Variants in NBR1 observed in about 807,000 individuals in gnomAD.
NBR1 encodes the protein next to BRCA1 gene 1 protein.
In NBR1, 59 loss-of-function variants were observed where a neutral mutation model predicts 115.5. That is an observed-to-expected ratio of 0.51 (90% CI 0.41 to 0.63). The LOEUF (loss-of-function observed/expected upper bound fraction) is 0.63, where lower values mean the gene tolerates loss of function less well. Ranked by LOEUF, NBR1 falls within the 30% of genes least tolerant of loss-of-function variation. The pLI is 0.00. For missense variants in NBR1, 1,043 were observed against 1,150.5 expected (o/e 0.91, Z 1.35); for synonymous variants, 373 against 414.7 (o/e 0.90, Z 1.22).
chr17:43,198,162 C>T (rs907093532), intron 16 of NBR1, among the ~76,000 whole-genome samples: 36 of 147,682 alleles, frequency 2.4e-4, no homozygotes, highest in Non-Finnish European at 4.9e-4. Context: ...AGTGAAACTC[C>T]GTCTCAAAAA....
chr17:43,203,632 G>GCAGACA, intron 19 of NBR1, 49 bp from the exon 20 acceptor site: 1 of 1,165,294 alleles, frequency 8.6e-7, no homozygotes, highest in East Asian at 2.5e-5. Flanking sequence ...CTTGTAAAAA[G>GCAGACA]GTAATGATTT....
intron 16 of NBR1, 90 bp downstream of exon 16, chr17:43,197,196 G>C: frequency 1.7e-6 from 2 of 1,204,694 alleles, no homozygotes; most frequent in Non-Finnish European, 2.4e-6. Flanking sequence ...CTTCTTCACT[G>C]AGACTGAAGG....
chr17:43,189,848 C>T, intron 8 of NBR1, 46 bp downstream of exon 8: 3 of 1,509,728 alleles, frequency 2.0e-6, no homozygotes, highest in Non-Finnish European at 2.7e-6. Flanking sequence ...GACCTTACAG[C>T]TTTTACCTCC....
In NBR1 at chr17:43,209,081, GT is replaced by G. The variant is rs796984826; in HGVS notation, c.2728-807del. On this transcript the variant is annotated intron_variant, in intron 20 of 20. Transcript: ENST00000590996. ...TGTTAACTTCCTCTTACCTATTCTT[GT>G]TTTTTTTTTTTTGAGATGGAGTCTC... is the stretch of plus-strand genomic sequence containing the variant. Among the ~76,000 whole-genome samples, 1,395 of 144,286 alleles carry G rather than the reference GT, an allele frequency of 9.7e-3. 16 individuals are homozygous for G. Among genetic ancestry groups the G allele is most frequent in the African/African-American group, 0.032 (1,251 of 39,580 alleles). 94.7% of individuals were successfully genotyped at this position (144,286 alleles called of 152,430 possible). A position where few individuals can be genotyped will look rare whatever the true frequency, so the allele number is the denominator to read the frequency against.
At chr17:43,203,158 A>C (rs1038090509) in intron 19 of NBR1, among the ~76,000 whole-genome samples, 4 of 152,196 alleles carry the variant, frequency 2.6e-5, no homozygotes, top group Non-Finnish European at 4.4e-5. Context: ...ACATCAAAAA[A>C]AAAAAAGAGT....
At chr17:43,209,418 T>C in intron 20 of NBR1, 1 of 678,890 alleles carries the variant, frequency 1.5e-6, no homozygotes, top group Non-Finnish European at 2.5e-6. Flanking sequence ...CAAGAAGCCT[T>C]CCCAGGTTGT....
chr17:43,191,797 C>T (rs2056953198), intron 10 of NBR1, among the ~76,000 whole-genome samples: 1 of 152,208 alleles, frequency 6.6e-6, no homozygotes, highest in African/African-American at 2.4e-5. Context: ...TCTCGGCTCA[C>T]TGCCAGCTCT....
Position 43,193,097 on chromosome 17 carries a change from C to T in NBR1, c.1077C>T (p.Leu359=), listed in dbSNP as rs2056985613. Residue 359 remains leucine (L), a synonymous_variant, in exon 11 of 21, where the codon CTC becomes CTT. Coordinates refer to ENST00000590996, the MANE Select transcript of NBR1 (RefSeq NM_005899.5). ...ESLLQSNTLM[L]PLQPCTSVMP... ...AAGCATCTGAATTTCTGTTCAGGCT[C>T]CCTTTGCAGCCCTGTACCTCCGTTA... 1.9e-6 allele frequency: 3 copies of T among 1,613,194 alleles called. No homozygotes were observed. Among genetic ancestry groups the T allele is most frequent in the South Asian group, 2.2e-5 (2 of 90,996 alleles).
chr17:43,183,193 T>C (rs2056716718), intron 5 of NBR1, among the ~76,000 whole-genome samples: 1 of 151,242 alleles, frequency 6.6e-6, no homozygotes, highest in Non-Finnish European at 1.5e-5. Flanking sequence ...ACGCCCGGCC[T>C]CTTTTTTTCT....
In NBR1 at chr17:43,200,425, G is replaced by A. The variant is rs765579730; in HGVS notation, c.2285G>A (p.Arg762Gln). 9.9e-6 allele frequency: 16 copies of A among 1,610,762 alleles called. No homozygotes were observed. The highest frequency in any genetic ancestry group is 8.8e-5 in the South Asian group (8 of 90,510). ...GCGCTCTCACAGCCAGGCCTGGAGC[G>A]AGGTGCTGAAGGCAAGCCTGGGGTT... ...SSALSQPGLE[R>Q]GAEGKPGVEA... The change falls in exon 17 of 21, where the codon CGA (arginine) becomes CAA (glutamine). Residue 762 changes from arginine to glutamine, a missense_variant. Arg to Gln is a conservative substitution (Grantham distance 43). Transcript: ENST00000590996.
intron 14 of NBR1, 46 bp downstream of exon 14, chr17:43,195,085 C>A: frequency 6.9e-7 from 1 of 1,443,394 alleles, no homozygotes; most frequent in Non-Finnish European, 9.8e-7. Flanking sequence ...CTAATAGGCA[C>A]AAAAGTACCA....
rs763389642 is a variant in NBR1 at position 43,200,433 on chromosome 17, G to A, written c.2293G>A (p.Glu765Lys). Residue 765 changes from glutamate (E) to lysine (K), a missense_variant, in exon 17 of 21, where the codon GAA becomes AAA. Glu to Lys is a moderately conservative substitution (Grantham distance 56). Transcript: ENST00000590996. ...ACAGCCAGGCCTGGAGCGAGGTGCT[G>A]AAGGCAAGCCTGGGGTTGAGGCTGG... is the stretch of plus-strand genomic sequence containing the variant. Reference protein sequence around the residue: ...LSQPGLERGAEGKPGVEAGQE... With the variant: ...LSQPGLERGAKGKPGVEAGQE... 3 of 1,612,166 alleles carry A rather than the reference G, an allele frequency of 1.9e-6. No homozygotes were observed. In the Admixed American group the frequency reaches 5.0e-5, roughly 27 times the overall value.
intron 2 of NBR1, 88 bp downstream of exon 2, chr17:43,175,989 C>A: frequency 1.4e-6 from 1 of 739,264 alleles, no homozygotes; most frequent in Non-Finnish European, 2.3e-6. Context: ...TGTTTCATAG[C>A]TGTGAAGTCT....
chr17:43,174,922 C>T (rs542448145), intron 1 of NBR1, among the ~76,000 whole-genome samples: 1 of 149,230 alleles, frequency 6.7e-6, no homozygotes, highest in African/African-American at 2.5e-5. Context: ...GGTGAAACCC[C>T]GTCCCTACCA....
rs953582131 is a variant in NBR1, at chr17:43,196,970, T to C, written c.1890T>C (p.Ala630=). The C allele has an allele frequency of 6.2e-7, 1 of 1,614,028 alleles. No individual in the cohort carries two copies. The highest frequency in any genetic ancestry group is 8.5e-7 in the Non-Finnish European group (1 of 1,179,886). ...CTATGGTGTCAGTAAAGAGGAAGGC[T>C]GAGAACATTGCTTCTGTGGAGGAAG... The part of the protein sequence containing the change: ...PDSMVSVKRK[A]ENIASVEEAE... Residue 630 remains alanine (A), a synonymous_variant, in exon 16 of 21, where the codon GCT becomes GCC. Coordinates refer to ENST00000590996, the MANE Select transcript of NBR1 (RefSeq NM_005899.5).
intron 13 of NBR1, 23 bp downstream of exon 13, chr17:43,194,522 G>T: frequency 6.2e-7 from 1 of 1,613,300 alleles, no homozygotes; most frequent in Non-Finnish European, 8.5e-7. Context: ...GCACTTTGAA[G>T]GGCAAGGGAC....
intron 10 of NBR1, among the ~76,000 whole-genome samples, chr17:43,191,922 G>C (rs946212282): frequency 6.6e-6 from 1 of 151,038 alleles, no homozygotes; most frequent in South Asian, 2.1e-4. Context: ...GGGTTTCACC[G>C]TGTTAGCCAG....
rs1398619395 is a variant in NBR1 at position 43,197,015 on chromosome 17, G to A, written c.1935G>A (p.Gly645=). 1.9e-6 allele frequency: 3 copies of A among 1,613,994 alleles called. No homozygotes were observed. In the East Asian group the frequency reaches 6.7e-5, roughly 36 times the overall value. The change falls in exon 16 of 21, where the codon GGG becomes GGA. Residue 645 remains glycine, a synonymous_variant. Transcript: ENST00000590996. ...AGGAAGCAGAAGAAGACCTGAGTGG[G>A]ACCCAGTTTGTGTGTGAGACAGTAA... ...SVEEAEEDLS[G]TQFVCETVIR...
At chr17:43,171,891 C>T (rs997103239) in intron 1 of NBR1, among the ~76,000 whole-genome samples, 4 of 152,150 alleles carry the variant, frequency 2.6e-5, no homozygotes, top group African/African-American at 9.7e-5. Flanking sequence ...GATCCTCGTG[C>T]CTTGGCCTCC....
Sources: gnomAD v4.1 joint callset for allele counts (sites outside exome capture counted in the v4.1 genomes callset) on GRCh38, gnomAD v4.1.1 for gene constraint, MANE v1.5 for transcripts, NCBI Gene and HGNC (gene_info 2026-07-23, HGNC 2026-07-21) for gene names.